Variants in KCNH3 observed in about 807,000 individuals in gnomAD.
KCNH3 encodes the protein voltage-gated inwardly rectifying potassium channel KCNH3.
A neutral mutation model predicts 95.6 loss-of-function variants in KCNH3; 36 were observed. The ratio of observed to expected loss-of-function variants is 0.38; its 90% CI spans 0.29 to 0.50. KCNH3 has a LOEUF of 0.50. Among genes scored for constraint, KCNH3 ranks in the 20% least tolerant of loss-of-function variants. The pLI is 0.95. For synonymous variants in KCNH3, 620 were observed against 646.3 expected (o/e 0.96, Z 0.62); for missense variants, 1,030 against 1,484.1 (o/e 0.69, Z 5.03).
At chr12:49,550,560 G>A (rs1354300259) in intron 10 of KCNH3, among the ~76,000 whole-genome samples, 3 of 152,340 alleles carry the variant, frequency 2.0e-5, no homozygotes, top group South Asian at 4.1e-4. Flanking sequence ...GGGGCCGAGC[G>A]AGTGGAGGGC....
chr12:49,541,095 G>A lies in KCNH3; in HGVS notation c.273G>A (p.Lys91=). The change falls in exon 2 of 15, where the codon AAG becomes AAA. Residue 91 remains lysine, a synonymous_variant. Coordinates refer to ENST00000257981, the MANE Select transcript of KCNH3 (RefSeq NM_012284.3). ...TCCGCAAGGCCCTGGACGAGCACAA[G>A]GAGTTCAAGGCTGAGCTGATCCTGT... ...QQIRKALDEH[K]EFKAELILYR... 1.9e-6 allele frequency: 3 copies of A among 1,609,628 alleles called. No homozygotes were observed. Among genetic ancestry groups the A allele is most frequent in the East Asian group, 2.2e-5 (1 of 44,886 alleles).
Position 49,539,411 on chromosome 12 carries a change from C to A in KCNH3, c.-6C>A. 6.5e-7 allele frequency: 1 copy of A among 1,549,706 alleles called. No individual in the cohort carries two copies. The highest frequency in any genetic ancestry group is 8.7e-7 in the Non-Finnish European group (1 of 1,153,666). The stretch of plus-strand genomic sequence containing the variant: ...GGGATGGGGCGGGCAGCCGCGGGCG[C>A]CTAAGATGCCGGCCATGCGGGGCCT... On this transcript the variant is annotated 5_prime_UTR_variant, in exon 1 of 15. Transcript: ENST00000257981. The surrounding 1 kb of genome is among the most constrained non-coding windows in gnomAD (Gnocchi z 6.7).
intron 10 of KCNH3, among the ~76,000 whole-genome samples, chr12:49,552,562 G>A (rs534749747): frequency 2.6e-5 from 4 of 152,102 alleles, no homozygotes; most frequent in Non-Finnish European, 2.9e-5. Context: ...CTTTTTACTC[G>A]AACATCCAAG....
At position 49,539,736 on chromosome 12, in the gene KCNH3, C is replaced by T. The variant is rs1937806066; in HGVS notation, c.76+244C>T. On this transcript the variant is annotated intron_variant, in intron 1 of 14. Transcript: ENST00000257981. The surrounding 1 kb of genome is among the most constrained non-coding windows in gnomAD (Gnocchi z 6.7). Reference sequence around the variant, plus strand: ...GGCCAGAAGTCCCTGGGTGTGGGTCCTGGGATGCTCTCTGTTAGCCGGGTC... The same window carrying T: ...GGCCAGAAGTCCCTGGGTGTGGGTCTTGGGATGCTCTCTGTTAGCCGGGTC... 6.6e-6 allele frequency among the ~76,000 whole-genome samples: 1 copy of T among 152,140 alleles called. No homozygotes were observed. Among genetic ancestry groups the T allele is most frequent in the South Asian group, 2.1e-4 (1 of 4,826 alleles).
Position 49,557,492 on chromosome 12 carries a change from ACC to A in KCNH3, c.2792_2793del (p.Thr931IlefsTer80). ...GGGAGAGGGGCCGTGCCCAGCCAGCACCTCCGGGCTTCTGCAGCCTCTGTGTG... is the reference window on the plus strand; with the variant it reads ...GGGAGAGGGGCCGTGCCCAGCCAGCATCCGGGCTTCTGCAGCCTCTGTGTG... ...ASGEGPCPASTSGLLQPLCVD... is the reference protein window; with the variant it reads ...ASGEGPCPASXSGLLQPLCVD... On this transcript the variant is annotated frameshift_variant, in exon 15 of 15. Coordinates refer to ENST00000257981, the MANE Select transcript of KCNH3 (RefSeq NM_012284.3). LOFTEE classifies it high-confidence loss of function. 6.2e-7 allele frequency: 1 copy of A among 1,611,294 alleles called. No individual in the cohort carries two copies. Among genetic ancestry groups the A allele is most frequent in the Non-Finnish European group, 8.5e-7 (1 of 1,179,716 alleles).
chr12:49,551,318 A>G (rs751923996), intron 10 of KCNH3, among the ~76,000 whole-genome samples: 14 of 152,176 alleles, frequency 9.2e-5, no homozygotes, highest in Non-Finnish European at 1.5e-4. Context: ...GCTCAAGCCT[A>G]TAATTCCAGC....
chr12:49,546,008 AG>A lies in KCNH3; in HGVS notation c.1189+1627del, dbSNP rs1938049911. On this transcript the variant is annotated intron_variant, in intron 7 of 14. Coordinates refer to ENST00000257981, the MANE Select transcript of KCNH3 (RefSeq NM_012284.3). Reference sequence around the variant, plus strand: ...CACAAGATGGACAATGGTGAAACAAAGCCTGTCTCCACCACCCCCAAAGTGG... The same window carrying A: ...CACAAGATGGACAATGGTGAAACAAACCTGTCTCCACCACCCCCAAAGTGG... The A allele has an allele frequency of 2.6e-5, 4 of 152,144 alleles. No homozygotes were observed. The South Asian group carries it at 8.3e-4, about 32-fold the overall frequency. 9.4% of individuals were successfully genotyped at this position (152,144 alleles called of 1,614,324 possible).
intron 10 of KCNH3, among the ~76,000 whole-genome samples, chr12:49,552,629 C>T (rs1005108113): frequency 5.3e-5 from 8 of 152,228 alleles, no homozygotes; most frequent in Admixed American, 1.3e-4. Flanking sequence ...TGTTGATGAA[C>T]TGCTGGAAGC....
Position 49,543,333 on chromosome 12 carries a change from C to T in KCNH3, c.638C>T (p.Ser213Leu), listed in dbSNP as rs1460468065. Residue 213 changes from serine (S) to leucine (L), a missense_variant, in exon 5 of 15, where the codon TCG (serine) becomes TTG (leucine). Around this residue, in one of 9 missense-constraint regions of KCNH3, gnomAD observed 153 missense variants for 288.5 expected, o/e 0.53. Coordinates refer to ENST00000257981, the MANE Select transcript of KCNH3 (RefSeq NM_012284.3). ...PEYKVAAIRK[S>L]PFILLHCGAL... ...TACAAAGTAGCCGCCATCCGGAAGT[C>T]GCCCTTCATCCTGTTGCACTGTGGG... 6.2e-7 allele frequency: 1 copy of T among 1,613,788 alleles called. No individual in the cohort carries two copies. Among genetic ancestry groups the T allele is most frequent in the Non-Finnish European group, 8.5e-7 (1 of 1,180,016 alleles).
chr12:49,550,047 A>ACCCCCC, intron 9 of KCNH3, 33 bp from the exon 10 acceptor site: 2 of 539,784 alleles, frequency 3.7e-6, no homozygotes, highest in Non-Finnish European at 6.0e-6. Flanking sequence ...TGCCACTCCC[A>ACCCCCC]ACCCCCCCAC....
At chr12:49,554,648 A>C in intron 11 of KCNH3, 94 bp downstream of exon 11, 12 of 1,125,730 alleles carry the variant, frequency 1.1e-5, no homozygotes, top group Non-Finnish European at 1.4e-5. Flanking sequence ...GCTGTGTGTG[A>C]AGTGTGGCCT....
Position 49,543,488 on chromosome 12 carries a change from G to GACCTGGCCGTGGAGGTCCTCTGC in KCNH3, c.814_815insGCACCTGGCCGTGGAGGTCCTCT (p.Phe272CysfsTer15). On this transcript the variant is annotated frameshift_variant, in exon 5 of 15. Coordinates refer to ENST00000257981, the MANE Select transcript of KCNH3 (RefSeq NM_012284.3). LOFTEE classifies it high-confidence loss of function. ...CGCCCGCGGCCCGCCCAGCGTCTGT[G>GACCTGGCCGTGGAGGTCCTCTGC]ACCTGGCCGTGGAGGTCCTCTTCAT... The GACCTGGCCGTGGAGGTCCTCTGC allele has an allele frequency of 6.3e-7, 1 of 1,599,500 alleles. No homozygotes were observed. Among genetic ancestry groups the GACCTGGCCGTGGAGGTCCTCTGC allele is most frequent in the Non-Finnish European group, 8.5e-7 (1 of 1,178,726 alleles).
chr12:49,557,198 C>G lies in KCNH3; in HGVS notation c.2591C>G (p.Thr864Ser), dbSNP rs75888202. 6.2e-7 allele frequency: 1 copy of G among 1,614,030 alleles called. No individual in the cohort carries two copies. The highest frequency in any genetic ancestry group is 1.7e-5 in the Admixed American group (1 of 60,014). The change falls in exon 14 of 15, where the codon ACT becomes AGT. Residue 864 changes from threonine (T) to serine (S), a missense_variant. Coordinates refer to ENST00000257981, the MANE Select transcript of KCNH3 (RefSeq NM_012284.3). ...CTACCCACAGAGAGCGGCCTGCTCA[C>G]TGTTCCCCATGGGCCCAGCGAGGCA... is the stretch of plus-strand genomic sequence containing the variant. ...PSPGPESGLL[T>S]VPHGPSEARN...
Position 49,558,044 on chromosome 12 carries a change from C to A in KCNH3, c.*91C>A, listed in dbSNP as rs539592654. ...TGAAGGCAGGGTGGCAGCCTCCCCA[C>A]GGACTCCATGCGGCCCGCTGGCTCA... is the stretch of plus-strand genomic sequence containing the variant. On this transcript the variant is annotated 3_prime_UTR_variant, in exon 15 of 15. Coordinates refer to ENST00000257981, the MANE Select transcript of KCNH3 (RefSeq NM_012284.3). The A allele has an allele frequency of 1.7e-3, 2,389 of 1,370,282 alleles. 3 individuals are homozygous for A. The highest frequency in any genetic ancestry group is 2.2e-3 in the Non-Finnish European group (2,286 of 1,045,416). 84.9% of individuals were successfully genotyped at this position (1,370,282 alleles called of 1,614,324 possible).
At position 49,541,050 on chromosome 12, in the gene KCNH3, T is replaced by C. The variant is rs1056130934; in HGVS notation, c.228T>C (p.Ser76=). 14 of 1,613,456 alleles carry C rather than the reference T, an allele frequency of 8.7e-6. No individual in the cohort carries two copies. The highest frequency in any genetic ancestry group is 1.1e-5 in the Non-Finnish European group (13 of 1,180,040). Residue 76 remains serine, a synonymous_variant, in exon 2 of 15, where the codon AGT becomes AGC. Coordinates refer to ENST00000257981, the MANE Select transcript of KCNH3 (RefSeq NM_012284.3). ...ACSFLYGPDT[S]ELVRQQIRKA... ...CCTTCCTTTATGGGCCAGACACCAG[T>C]GAGCTCGTCCGCCAACAGATCCGCA...
At position 49,540,460 on chromosome 12, in the gene KCNH3, C is replaced by G. The variant is rs542361085; in HGVS notation, c.77-439C>G. ...GATGTATGGTGGTCTGGGGTTGCCT[C>G]CAGTCTAGGTGTGTCTCAGTGGGAG... On this transcript the variant is annotated intron_variant, in intron 1 of 14. Transcript: ENST00000257981. Among the ~76,000 whole-genome samples, 38 of 152,296 alleles carry G rather than the reference C, an allele frequency of 2.5e-4. 1 individual carries two copies. In the South Asian group the frequency reaches 7.5e-3, roughly 30 times the overall value.
chr12:49,550,043 T>TGGCCACCC, intron 9 of KCNH3, 37 bp from the exon 10 acceptor site: 4 of 1,299,536 alleles, frequency 3.1e-6, no homozygotes, highest in Non-Finnish European at 4.3e-6. Context: ...CTTCTGCCAC[T>TGGCCACCC]CCCAACCCCC....
At chr12:49,548,670 G>T (rs2138151485) in intron 7 of KCNH3, among the ~76,000 whole-genome samples, 1 of 152,318 alleles carries the variant, frequency 6.6e-6, no homozygotes, top group South Asian at 2.1e-4. Flanking sequence ...GAAGGGGTGT[G>T]ATTTCCCTTG....
intron 7 of KCNH3, 59 bp downstream of exon 7, chr12:49,544,441 G>A (rs1434226337): frequency 2.0e-6 from 3 of 1,537,586 alleles, no homozygotes; most frequent in Non-Finnish European, 2.7e-6. Flanking sequence ...GAGTGTGAGT[G>A]CCAGCGTGGG....
Sources: gnomAD v4.1 joint callset for allele counts (sites outside exome capture counted in the v4.1 genomes callset) on GRCh38, gnomAD v4.1.1 for gene constraint, gnomAD v4.1.1 regional missense constraint, Gnocchi (gnomAD v3.1) non-coding constraint, MANE v1.5 for transcripts, NCBI Gene and HGNC (gene_info 2026-07-23, HGNC 2026-07-21) for gene names.